The following CDH23 variants were observed in gnomAD, a reference collection of about 807,000 sequenced individuals.
CDH23 encodes cadherin related 23.
In CDH23, 189 loss-of-function variants were observed where a neutral mutation model predicts 317.1. That is an observed-to-expected ratio of 0.60 (90% CI 0.53 to 0.67). The LOEUF (loss-of-function observed/expected upper bound fraction) is 0.67. Ranked by LOEUF, CDH23 falls within the 30% of genes least tolerant of loss-of-function variation. CDH23 has a pLI of 0.00. For synonymous variants in CDH23, 1,839 were observed against 1,876.8 expected, an observed-to-expected ratio of 0.98 and a Z score of 0.52; for missense variants, 4,401 against 4,592.4, an observed-to-expected ratio of 0.96 and a Z score of 1.20.
chr10:71,741,675 TCTC>T lies in CDH23; in HGVS notation c.4618-16_4618-14del. ...AATGCCTTGAGTCCAGAATGACTGCTCTCCTGCTCTCCTCCCAGAACGTGGGTG... is the reference window on the plus strand; with the variant it reads ...AATGCCTTGAGTCCAGAATGACTGCTCTGCTCTCCTCCCAGAACGTGGGTG... On this transcript the variant is annotated splice_polypyrimidine_tract_variant and intron_variant, in intron 37 of 69. Coordinates refer to ENST00000224721, the MANE Select transcript of CDH23 (RefSeq NM_022124.6). 6.3e-7 allele frequency: 1 copy of T among 1,588,580 alleles called. No homozygotes were observed. The highest frequency in any genetic ancestry group is 1.1e-5 in the South Asian group (1 of 87,468).
intron 9 of CDH23, among the ~76,000 whole-genome samples, chr10:71,584,216 G>A (rs534720665): frequency 1.7e-4 from 26 of 152,246 alleles, no homozygotes; most frequent in East Asian, 1.2e-3. Context: ...ATTTCATGTC[G>A]GGGGAGGAAA....
intron 3 of CDH23, among the ~76,000 whole-genome samples, chr10:71,463,017 C>A (rs56061344): frequency 0.017 from 2,614 of 152,302 alleles, 82 homozygotes; most frequent in African/African-American, 0.06. Context: ...GCATTTCCCC[C>A]GTCTAAAATG....
chr10:71,578,233 T>G (rs1037792008), intron 9 of CDH23, among the ~76,000 whole-genome samples: 2 of 147,016 alleles, frequency 1.4e-5, no homozygotes, highest in African/African-American at 4.9e-5. Flanking sequence ...TGGGGGCTGC[T>G]TGGTGGGCAC....
intron 19 of CDH23, among the ~76,000 whole-genome samples, chr10:71,688,872 ATGATGGAG>A (rs1865037651): frequency 1.7e-5 from 1 of 57,494 alleles, no homozygotes; most frequent in Non-Finnish European, 3.3e-5. Context: ...GGAGTCAGGG[ATGATGGAG>A]CCAGGGGTGG....
intron 6 of CDH23, among the ~76,000 whole-genome samples, chr10:71,547,545 ACACGCC>A (rs1856350906): frequency 6.6e-6 from 1 of 152,198 alleles, no homozygotes; most frequent in South Asian, 2.1e-4. Flanking sequence ...GGTTGTGGCG[ACACGCC>A]CAGATATGTA....
intron 18 of CDH23, among the ~76,000 whole-genome samples, chr10:71,684,441 T>C (rs542862272): frequency 2.6e-4 from 39 of 151,600 alleles, no homozygotes; most frequent in African/African-American, 7.0e-4. Flanking sequence ...CCACCCCCCC[T>C]GGAGACACCA....
At chr10:71,588,719 G>T (rs1469780098) in intron 9 of CDH23, among the ~76,000 whole-genome samples, 1 of 152,126 alleles carries the variant, frequency 6.6e-6, no homozygotes, top group Admixed American at 6.5e-5. Flanking sequence ...GCACCTACAG[G>T]ATGGGGAGGA....
chr10:71,594,695 C>T (rs2132456464), intron 9 of CDH23, among the ~76,000 whole-genome samples: 1 of 152,262 alleles, frequency 6.6e-6, no homozygotes, highest in African/African-American at 2.4e-5. Context: ...CTAGTATCAA[C>T]ATAATGTCCT....
In CDH23 at chr10:71,811,739, T is replaced by C. The variant is rs2133003067; in HGVS notation, c.9305T>C (p.Val3102Ala). The C allele has an allele frequency of 6.3e-7, 1 of 1,587,020 alleles. No homozygotes were observed. Among genetic ancestry groups the C allele is most frequent in the East Asian group, 2.3e-5 (1 of 43,202 alleles). ...TVHKRKLKAI[V>A]AGSAGNRGFI... is the part of the protein sequence containing the mutation. ...CACAAGAGGAAGCTCAAGGCCATTGTGGCTGGCTCAGCTGGTAAGTGAGGG... is the reference window on the plus strand; with the variant it reads ...CACAAGAGGAAGCTCAAGGCCATTGCGGCTGGCTCAGCTGGTAAGTGAGGG... The change falls in exon 65 of 70, where the codon GTG becomes GCG. Residue 3102 changes from valine (V) to alanine (A), a missense_variant. Coordinates refer to ENST00000224721, the MANE Select transcript of CDH23 (RefSeq NM_022124.6).
intron 3 of CDH23, among the ~76,000 whole-genome samples, chr10:71,498,816 G>C (rs1208571132): frequency 1.3e-5 from 2 of 152,234 alleles, no homozygotes; most frequent in African/African-American, 2.4e-5. Context: ...AGGCAGAGGA[G>C]CTCCGGGTTT....
At chr10:71,659,976 T>G (rs1180634901) in intron 14 of CDH23, among the ~76,000 whole-genome samples, 1 of 150,556 alleles carries the variant, frequency 6.6e-6, no homozygotes, top group Non-Finnish European at 1.5e-5. Flanking sequence ...TTTTTTTTTT[T>G]TTTTAGACGG....
At chr10:71,709,735 A>G (rs1461620467) in intron 27 of CDH23, among the ~76,000 whole-genome samples, 1 of 152,210 alleles carries the variant, frequency 6.6e-6, no homozygotes, top group East Asian at 1.9e-4. Flanking sequence ...CAGTCTCTGC[A>G]CTGGCTGGCG....
chr10:71,418,672 T>G (rs1848628878), intron 1 of CDH23, among the ~76,000 whole-genome samples: 1 of 152,238 alleles, frequency 6.6e-6, no homozygotes, highest in African/African-American at 2.4e-5. Context: ...TACCGTAGCT[T>G]CTGTCTAACC....
At chr10:71,414,124 CAA>C (rs1364597218) in intron 1 of CDH23, among the ~76,000 whole-genome samples, 1 of 150,012 alleles carries the variant, frequency 6.7e-6, no homozygotes, top group Non-Finnish European at 1.5e-5. Context: ...ATGTCTTCTG[CAA>C]AGAGAAATAA....
At chr10:71,782,036 G>A (rs1296922001) in intron 41 of CDH23, among the ~76,000 whole-genome samples, 1 of 152,184 alleles carries the variant, frequency 6.6e-6, no homozygotes, top group East Asian at 1.9e-4. Flanking sequence ...GACGTGCCTG[G>A]GACCCCAGCT....
chr10:71,619,164 A>T (rs1468942846), intron 11 of CDH23, among the ~76,000 whole-genome samples: 1 of 152,066 alleles, frequency 6.6e-6, no homozygotes, highest in Non-Finnish European at 1.5e-5. Flanking sequence ...GTGAAACCCC[A>T]TCTCTACTAA....
At chr10:71,456,698 A>C (rs530649406) in intron 3 of CDH23, among the ~76,000 whole-genome samples, 1 of 152,364 alleles carries the variant, frequency 6.6e-6, no homozygotes, top group East Asian at 1.9e-4. Flanking sequence ...TAACTGGGGA[A>C]ATAGTGACTA....
chr10:71,425,853 C>T (rs73281863), intron 1 of CDH23, among the ~76,000 whole-genome samples: 1,698 of 152,248 alleles, frequency 0.011, 31 homozygotes, highest in African/African-American at 0.038. Context: ...AAAGTCATCA[C>T]GGAGGTGTTC....
At chr10:71,496,586 C>T (rs72813907) in intron 3 of CDH23, among the ~76,000 whole-genome samples, 4 of 152,348 alleles carry the variant, frequency 2.6e-5, no homozygotes, top group Non-Finnish European at 5.9e-5. Context: ...ATGCAGACAC[C>T]AGTATTGCTC....
Sources: allele counts gnomAD v4.1 joint callset (sites outside exome capture counted in the v4.1 genomes callset), GRCh38; gene constraint gnomAD v4.1.1; transcripts MANE v1.5; gene names NCBI Gene and HGNC (gene_info 2026-07-23, HGNC 2026-07-21).